NRXN3: variants seen among roughly 807,000 people sequenced by gnomAD.
The protein encoded by NRXN3 is neurexin III.
Under a neutral mutation model 137.6 loss-of-function variants are expected in NRXN3, and 32 were observed. The observed-to-expected ratio is 0.23, with a 90% CI of 0.18 to 0.31. NRXN3 has a LOEUF of 0.31. NRXN3 is among the 10% of genes least tolerant of loss of function. NRXN3 has a pLI of 1.00. For synonymous variants in NRXN3, 798 were observed against 784.5 expected (o/e 1.02, Z -0.29); for missense variants, 1,574 against 2,062.5 (o/e 0.76, Z 4.59).
intron 8 of NRXN3, among the ~76,000 whole-genome samples, chr14:78,781,332 C>A (rs1479398034): frequency 6.6e-6 from 1 of 152,006 alleles, no homozygotes; most frequent in East Asian, 1.9e-4. Context: ...TTGACCTATG[C>A]CTGTAATATT....
intron 4 of NRXN3, among the ~76,000 whole-genome samples, chr14:78,385,699 A>C (rs2089872282): frequency 6.6e-6 from 1 of 152,230 alleles, no homozygotes; most frequent in Non-Finnish European, 1.5e-5. Flanking sequence ...GCAGATGTTT[A>C]AATCAGTAAT....
chr14:79,033,355 G>A (rs1021439282), intron 15 of NRXN3, among the ~76,000 whole-genome samples: 1 of 152,216 alleles, frequency 6.6e-6, no homozygotes, highest in Middle Eastern at 3.4e-3. Flanking sequence ...ACAGTACCTG[G>A]TTCATTCTCT....
chr14:79,802,434 CACA>C (rs1364323100), intron 19 of NRXN3, among the ~76,000 whole-genome samples: 4 of 152,092 alleles, frequency 2.6e-5, no homozygotes, highest in East Asian at 1.9e-4. Context: ...GCCCTTTTCC[CACA>C]ACATTTCAAT....
At chr14:78,779,317 C>T (rs2098760060) in intron 8 of NRXN3, among the ~76,000 whole-genome samples, 1 of 151,826 alleles carries the variant, frequency 6.6e-6, no homozygotes, top group Admixed American at 6.6e-5. Context: ...ATATAGTCAG[C>T]ATATTTATTA....
chr14:79,103,494 G>T (rs773992742), intron 15 of NRXN3, among the ~76,000 whole-genome samples: 3 of 152,060 alleles, frequency 2.0e-5, no homozygotes, highest in Non-Finnish European at 4.4e-5. Context: ...AGTTTTAAGC[G>T]CCTGGTAGAA....
intron 15 of NRXN3, among the ~76,000 whole-genome samples, chr14:79,297,398 T>G (rs764821342): frequency 6.6e-6 from 1 of 152,188 alleles, no homozygotes; most frequent in South Asian, 2.1e-4. Flanking sequence ...AATATACTTA[T>G]AATTTAAAAA....
chr14:79,600,127 G>A (rs2097906590), intron 16 of NRXN3, among the ~76,000 whole-genome samples: 1 of 152,242 alleles, frequency 6.6e-6, no homozygotes, highest in Admixed American at 6.5e-5. Context: ...ACTAAAAGGT[G>A]GAGGAGCTGA....
In NRXN3 at chr14:78,994,039, A is replaced by G. The variant is rs977715367; in HGVS notation, c.3262+5898A>G. On this transcript the variant is annotated intron_variant, in intron 15 of 20. Coordinates refer to ENST00000335750, the MANE Select transcript of NRXN3 (RefSeq NM_001330195.2). The stretch of plus-strand genomic sequence containing the variant: ...CAGCTAATTTTTGTATTTTTTTAGT[A>G]GAGACGGGGTTTCACCTTGTTGGCC... 7.9e-5 allele frequency among the ~76,000 whole-genome samples: 12 copies of G among 151,426 alleles called. No individual in the cohort carries two copies. In the East Asian group the frequency reaches 2.0e-3, roughly 25 times the overall value.
intron 15 of NRXN3, among the ~76,000 whole-genome samples, chr14:79,046,212 T>A (rs2099632934): frequency 6.6e-6 from 1 of 152,172 alleles, no homozygotes; most frequent in South Asian, 2.1e-4. Context: ...CTCCTCTCCT[T>A]TCCTTTCCTT....
rs71413500 is a variant in NRXN3 at position 78,435,028 on chromosome 14, G to C, written c.757+137168G>C. Among the ~76,000 whole-genome samples the C allele has an allele frequency of 7.4e-3, 1,123 of 152,294 alleles. 7 individuals carry two copies. The highest frequency in any genetic ancestry group is 0.013 in the Non-Finnish European group (896 of 68,016). On this transcript the variant is annotated intron_variant, in intron 4 of 20. Coordinates refer to ENST00000335750, the MANE Select transcript of NRXN3 (RefSeq NM_001330195.2). ...CCACATGCCCCTTCTATGGGAACTT[G>C]ACTTGGTACCAGGTAGAGGATTTTG...
chr14:79,351,509 TAC>T (rs1216802607), intron 15 of NRXN3, among the ~76,000 whole-genome samples: 6 of 152,302 alleles, frequency 3.9e-5, no homozygotes, highest in East Asian at 1.9e-4. Context: ...CAATTGGAAA[TAC>T]ACAGTCACGG....
chr14:78,385,848 CT>C (rs919312066), intron 4 of NRXN3, among the ~76,000 whole-genome samples: 1 of 152,154 alleles, frequency 6.6e-6, no homozygotes, highest in African/African-American at 2.4e-5. Flanking sequence ...CAAGGAAGCA[CT>C]TGGTAAATGC....
At chr14:79,688,957 G>T (rs1257102495) in intron 17 of NRXN3, among the ~76,000 whole-genome samples, 1 of 152,022 alleles carries the variant, frequency 6.6e-6, no homozygotes, top group East Asian at 1.9e-4. Flanking sequence ...GTCCCATATA[G>T]GTGTCGGATC....
rs373068710 is a variant in NRXN3, at chr14:79,349,310, T to C, written c.3263-117911T>C. Among the ~76,000 whole-genome samples the C allele has an allele frequency of 1.9e-3, 285 of 152,076 alleles. 19 individuals are homozygous for C. The South Asian group carries it at 0.058, about 31-fold the overall frequency. On this transcript the variant is annotated intron_variant, in intron 15 of 20. Coordinates refer to ENST00000335750, the MANE Select transcript of NRXN3 (RefSeq NM_001330195.2). ...GTCTCCGGAATCTTTAAAAAAAATC[T>C]ATTTAATTATTGATAGAATTTTAGT...
chr14:79,637,006 A>G (rs1454315950), intron 16 of NRXN3, among the ~76,000 whole-genome samples: 1 of 152,214 alleles, frequency 6.6e-6, no homozygotes, highest in Non-Finnish European at 1.5e-5. Flanking sequence ...ACTGCTTTAA[A>G]TGATAAAGCA....
At chr14:79,570,661 C>T (rs10137102) in intron 16 of NRXN3, 14,016 of 152,130 alleles carry the variant, frequency 0.092, 1,237 homozygotes, top group African/African-American at 0.23. Flanking sequence ...AATTGCCATT[C>T]GTGATAATTC....
At chr14:79,618,690 T>C (rs1422311523) in intron 16 of NRXN3, among the ~76,000 whole-genome samples, 2 of 152,130 alleles carry the variant, frequency 1.3e-5, no homozygotes, top group South Asian at 4.1e-4. Flanking sequence ...GGTAAAATAA[T>C]TTGTATTCCT....
intron 4 of NRXN3, among the ~76,000 whole-genome samples, chr14:78,625,994 C>T (rs1217939153): frequency 6.6e-6 from 1 of 152,208 alleles, no homozygotes; most frequent in African/African-American, 2.4e-5. Flanking sequence ...GACGGCTCCA[C>T]ACAATAGTCC....
At chr14:79,258,708 T>C (rs1195528541) in intron 15 of NRXN3, among the ~76,000 whole-genome samples, 1 of 152,198 alleles carries the variant, frequency 6.6e-6, no homozygotes, top group African/African-American at 2.4e-5. Flanking sequence ...TGGCTCATTG[T>C]TGGTGACAAA....
Sources: allele counts gnomAD v4.1 joint callset (sites outside exome capture counted in the v4.1 genomes callset), GRCh38; gene constraint gnomAD v4.1.1; transcripts MANE v1.5; gene names NCBI Gene and HGNC (gene_info 2026-07-23, HGNC 2026-07-21).